The following EMP2 variants were observed in gnomAD, a reference collection of about 807,000 sequenced individuals.
The protein encoded by EMP2 is epithelial membrane protein 2.
A neutral mutation model predicts 13.7 loss-of-function variants in EMP2; 19 were observed. The observed-to-expected ratio is 1.38, with a 90% CI of 0.97 to 2.03. The LOEUF is 2.03. Ranked by LOEUF, EMP2 falls within the 30% of genes most tolerant of loss-of-function variation. EMP2 has a pLI of 0.00. For missense variants in EMP2, 253 were observed against 220.7 expected (o/e 1.15, Z -0.93); for synonymous variants, 97 against 84.7 (o/e 1.15, Z -0.80).
intron 1 of EMP2, among the ~76,000 whole-genome samples, chr16:10,551,758 C>A (rs959993504): frequency 6.6e-6 from 1 of 152,136 alleles, no homozygotes; most frequent in Admixed American, 6.6e-5. Flanking sequence ...TATTCCCCCT[C>A]CTCTAGTGGA....
chr16:10,550,971 T>C (rs1414656623), intron 1 of EMP2, among the ~76,000 whole-genome samples: 1 of 93,510 alleles, frequency 1.1e-5, no homozygotes, highest in African/African-American at 5.7e-5. Context: ...AGAGATTCCA[T>C]CTCAAAAAAA....
intron 3 of EMP2, among the ~76,000 whole-genome samples, 183 bp downstream of exon 3, chr16:10,543,387 C>T (rs1035253768): frequency 6.6e-6 from 1 of 152,278 alleles, no homozygotes; most frequent in African/African-American, 2.4e-5. Flanking sequence ...CTTCTCCACA[C>T]CCCTGGCATC....
At chr16:10,533,674 T>C (rs2050625834) in intron 4 of EMP2, among the ~76,000 whole-genome samples, 1 of 152,180 alleles carries the variant, frequency 6.6e-6, no homozygotes, top group Non-Finnish European at 1.5e-5. Flanking sequence ...AAGATTTTAT[T>C]TACAAAAACA....
chr16:10,571,006 C>A (rs2050943045), intron 1 of EMP2, among the ~76,000 whole-genome samples: 1 of 151,656 alleles, frequency 6.6e-6, no homozygotes. Context: ...TGCCTGTAAT[C>A]CCAGCACTTT....
intron 1 of EMP2, among the ~76,000 whole-genome samples, chr16:10,568,804 G>C (rs1207289196): frequency 9.3e-5 from 1 of 10,796 alleles, no homozygotes; most frequent in Middle Eastern, 0.038. Context: ...TTTTTTTTTT[G>C]AGATGGAATT....
intron 1 of EMP2, among the ~76,000 whole-genome samples, chr16:10,573,934 T>C (rs1443082609): frequency 7.4e-6 from 1 of 136,018 alleles, no homozygotes. Flanking sequence ...ATAAACCTTT[T>C]TTTTTTTTTT....
Position 10,530,695 on chromosome 16 carries a change from A to T in EMP2, c.*2210T>A, listed in dbSNP as rs762472147. 1.3e-5 allele frequency: 2 copies of T among 152,306 alleles called. No homozygotes were observed. The highest frequency in any genetic ancestry group is 6.6e-5 in the Admixed American group (1 of 15,254). 9.4% of individuals were successfully genotyped at this position (152,306 alleles called of 1,614,324 possible). A position where few individuals can be genotyped will look rare whatever the true frequency, so the allele number is the denominator to read the frequency against. ...AATCACCTGGAAATCATTCACCCAGACCCTCTGAATCAGCCTGTCCCAAGC... is the reference window on the plus strand; with the variant it reads ...AATCACCTGGAAATCATTCACCCAGTCCCTCTGAATCAGCCTGTCCCAAGC... On this transcript the variant is annotated 3_prime_UTR_variant, in exon 5 of 5. Coordinates refer to ENST00000359543, the MANE Select transcript of EMP2 (RefSeq NM_001424.6).
At chr16:10,550,974 C>A (rs1441206915) in intron 1 of EMP2, among the ~76,000 whole-genome samples, 87 of 143,720 alleles carry the variant, frequency 6.1e-4, no homozygotes, top group African/African-American at 6.1e-4. Context: ...GATTCCATCT[C>A]AAAAAAAAAA....
At chr16:10,557,174 T>G (rs999237046) in intron 1 of EMP2, among the ~76,000 whole-genome samples, 2 of 152,020 alleles carry the variant, frequency 1.3e-5, no homozygotes, top group East Asian at 1.9e-4. Flanking sequence ...CTGGCCAACA[T>G]GGCAAAACGC....
chr16:10,566,024 A>C (rs1036727232), intron 1 of EMP2, among the ~76,000 whole-genome samples: 13 of 152,148 alleles, frequency 8.5e-5, no homozygotes, highest in Admixed American at 8.5e-4. Context: ...CCATGAGAAC[A>C]CACCACCCCC....
At chr16:10,563,864 TAGCAAA>T (rs2050889574) in intron 1 of EMP2, among the ~76,000 whole-genome samples, 1 of 152,248 alleles carries the variant, frequency 6.6e-6, no homozygotes, top group African/African-American at 2.4e-5. Context: ...ATCTGGCATG[TAGCAAA>T]TGCTATGAAG....
At chr16:10,579,635 A>G (rs1029223876) in intron 1 of EMP2, among the ~76,000 whole-genome samples, 1 of 151,814 alleles carries the variant, frequency 6.6e-6, no homozygotes, top group Non-Finnish European at 1.5e-5. Context: ...ATCACACTGT[A>G]TTTGAACTGG....
intron 1 of EMP2, among the ~76,000 whole-genome samples, chr16:10,564,257 G>C (rs180670908): frequency 6.6e-6 from 1 of 151,890 alleles, no homozygotes; most frequent in South Asian, 2.1e-4. Context: ...TTGGTAGGTC[G>C]AGGTGGGTGG....
chr16:10,564,483 T>C (rs1596380100), intron 1 of EMP2, among the ~76,000 whole-genome samples: 1 of 118,342 alleles, frequency 8.5e-6, no homozygotes, highest in African/African-American at 3.7e-5. Flanking sequence ...AGAGTGAGAC[T>C]CTGTCTCAAA....
Position 10,533,053 on chromosome 16 carries a change from CTG to C in EMP2, c.354_355del (p.Asp118GlufsTer3). ...GTTTTTGTCGTGAATGTCTTCACGCCTGTCTGTATAAATGGAGGCCGCAATCA... is the reference window on the plus strand; with the variant it reads ...GTTTTTGTCGTGAATGTCTTCACGCCTCTGTATAAATGGAGGCCGCAATCA... On this transcript the variant is annotated frameshift_variant, in exon 5 of 5. Coordinates refer to ENST00000359543, the MANE Select transcript of EMP2 (RefSeq NM_001424.6). LOFTEE classifies it low-confidence loss of function (END_TRUNC). 1 of 1,608,420 alleles carries C rather than the reference CTG, an allele frequency of 6.2e-7. No individual in the cohort carries two copies. The highest frequency in any genetic ancestry group is 8.5e-7 in the Non-Finnish European group (1 of 1,177,416).
At chr16:10,551,761 C>A (rs927899329) in intron 1 of EMP2, among the ~76,000 whole-genome samples, 5 of 152,192 alleles carry the variant, frequency 3.3e-5, no homozygotes, top group African/African-American at 1.2e-4. Context: ...TCCCCCTCCT[C>A]TAGTGGACAT....
At position 10,532,947 on chromosome 16, in the gene EMP2, G is replaced by A; in HGVS notation, c.462C>T (p.Phe154=). ...GTATCAGGTACATCATGCCGCTGAT[G>A]AAGGTGCAGGCGAAGGCCACCCACG... ...ILAWVAFACT[F]ISGMMYLILR... The change falls in exon 5 of 5, where the codon TTC becomes TTT. Residue 154 remains phenylalanine (F), a synonymous_variant. Transcript: ENST00000359543. The A allele has an allele frequency of 6.2e-7, 1 of 1,604,398 alleles. No homozygotes were observed. Among genetic ancestry groups the A allele is most frequent in the Non-Finnish European group, 8.5e-7 (1 of 1,174,892 alleles).
At chr16:10,544,477 G>A (rs1171425872) in intron 2 of EMP2, 1 of 152,634 alleles carries the variant, frequency 6.6e-6, no homozygotes, top group African/African-American at 2.4e-5. Context: ...CACCACGCCT[G>A]GCCAGGATTC....
At chr16:10,537,656 T>TCCA (rs966253672) in intron 4 of EMP2, among the ~76,000 whole-genome samples, 1 of 152,008 alleles carries the variant, frequency 6.6e-6, no homozygotes, top group African/African-American at 2.4e-5. Flanking sequence ...CTACTCACCC[T>TCCA]CCAGATCCTC....
Sources: allele counts gnomAD v4.1 joint callset (sites outside exome capture counted in the v4.1 genomes callset), GRCh38; gene constraint gnomAD v4.1.1; transcripts MANE v1.5; gene names NCBI Gene and HGNC (gene_info 2026-07-23, HGNC 2026-07-21).